Variants in RELL1 observed in about 807,000 individuals in gnomAD.
RELL1 encodes the protein RELT-like protein 1.
In RELL1, 10 loss-of-function variants were observed where a neutral mutation model predicts 23.0. That is an observed-to-expected ratio of 0.43 (90% confidence interval 0.27 to 0.74). RELL1 has a LOEUF of 0.74. RELL1 is among the 30% of genes least tolerant of loss of function. The pLI, the probability that RELL1 is intolerant of heterozygous loss-of-function variation, is 0.19. For missense variants in RELL1, 315 were observed against 364.4 expected, an observed-to-expected ratio of 0.86 and a Z score of 1.10; for synonymous variants, 146 against 146.8, an observed-to-expected ratio of 0.99 and a Z score of 0.04.
intron 3 of RELL1, among the ~76,000 whole-genome samples, chr4:37,643,226 A>C (rs2109274859): frequency 6.6e-6 from 1 of 152,350 alleles, no homozygotes; most frequent in South Asian, 2.1e-4. Context: ...GAAAAAACCC[A>C]CATCTTTGTC....
chr4:37,661,293 G>C (rs1312904874), intron 1 of RELL1, among the ~76,000 whole-genome samples: 2 of 147,344 alleles, frequency 1.4e-5, no homozygotes, highest in African/African-American at 2.6e-5. Context: ...TTGTTTGTTT[G>C]TTTTTTGAGA....
chr4:37,606,587 C>A (rs1719229161), downstream of RELL1, among the ~76,000 whole-genome samples: 1 of 152,234 alleles, frequency 6.6e-6, no homozygotes, highest in African/African-American at 2.4e-5. This position sits in a 1 kb window ranked among gnomAD's most constrained non-coding sequence, Gnocchi z 4.1. Flanking sequence ...AAAGAAGACA[C>A]AGAATGCCAG....
At chr4:37,590,143 A>G (rs768759361), downstream of RELL1, 1 of 1,614,210 alleles carries the variant, frequency 6.2e-7, no homozygotes, top group Non-Finnish European at 8.5e-7. Context: ...TGAAGTCAAC[A>G]GCTGCAAGCT....
At chr4:37,625,627 A>G (rs1719911509) in intron 6 of RELL1, among the ~76,000 whole-genome samples, 1 of 152,222 alleles carries the variant, frequency 6.6e-6, no homozygotes, top group African/African-American at 2.4e-5. Context: ...TCAAATCCAA[A>G]TTTGAGCAAA....
chr4:37,604,894 C>CACAT (rs1719140328), intron 6 of RELL1, among the ~76,000 whole-genome samples: 1 of 77,464 alleles, frequency 1.3e-5, no homozygotes, highest in Non-Finnish European at 2.5e-5. Flanking sequence ...CACAGACACA[C>CACAT]ACACAGACAC....
chr4:37,610,233 G>A (rs1049615379), downstream of RELL1, among the ~76,000 whole-genome samples: 13 of 141,388 alleles, frequency 9.2e-5, no homozygotes, highest in African/African-American at 3.3e-4. The surrounding 1 kb of genome is among the most constrained non-coding windows in gnomAD (Gnocchi z 4.1). Context: ...TCAGATTATC[G>A]TATTTTTTTT....
rs560516400 is a variant in RELL1, at chr4:37,647,177, G to A, written c.385+191C>T. On this transcript the variant is annotated intron_variant, in intron 3 of 6. Transcript: ENST00000454158. ...GCCTCCAGGGCTGGGTCTCTGCAAC[G>A]CTTAGACCGACTCACGCTTAGAAAA... Among the ~76,000 whole-genome samples, 8 of 152,192 alleles carry A rather than the reference G, an allele frequency of 5.3e-5. No homozygotes were observed. The East Asian group carries it at 7.7e-4, about 15-fold the overall frequency.
chr4:37,646,709 A>ATAT (rs1168467416), intron 3 of RELL1, among the ~76,000 whole-genome samples: 1 of 152,044 alleles, frequency 6.6e-6, no homozygotes, highest in Non-Finnish European at 1.5e-5. Context: ...TGTGAAGTAA[A>ATAT]TATTATTATT....
intron 5 of RELL1, among the ~76,000 whole-genome samples, chr4:37,632,618 A>G (rs1405248544): frequency 6.6e-6 from 1 of 152,152 alleles, no homozygotes; most frequent in Non-Finnish European, 1.5e-5. Flanking sequence ...ACACACGCAC[A>G]CACATGCTCT....
downstream of RELL1, chr4:37,590,380 C>G: frequency 1.2e-6 from 2 of 1,613,884 alleles, no homozygotes; most frequent in Non-Finnish European, 1.7e-6. Flanking sequence ...CACTCCACAG[C>G]CCACTGGGAA....
At chr4:37,686,061 C>CGGCGGGATCCCG (rs1203179124) in intron 1 of RELL1, 139 bp downstream of exon 1, 1 of 712,364 alleles carries the variant, frequency 1.4e-6, no homozygotes, top group Non-Finnish European at 2.2e-6. Context: ...CGCGGGACAG[C>CGGCGGGATCCCG]CAGTTGTTCA....
At chr4:37,588,183 C>T (rs1382697143), downstream of RELL1, 1 of 152,180 alleles carries the variant, frequency 6.6e-6, no homozygotes, top group Non-Finnish European at 1.5e-5. Flanking sequence ...GGAAATGAGT[C>T]CACCTTCTGC....
At chr4:37,590,307 C>T, downstream of RELL1, 1 of 1,613,832 alleles carries the variant, frequency 6.2e-7, no homozygotes. Flanking sequence ...AAGGGCCGCT[C>T]CCACAGGGGG....
rs546640942 is a variant in RELL1, at chr4:37,666,658, G to T, written c.89-17158C>A. 5.0e-3 allele frequency among the ~76,000 whole-genome samples: 762 copies of T among 152,206 alleles called. 4 individuals are homozygous for T. The highest frequency in any genetic ancestry group is 8.0e-3 in the Non-Finnish European group (547 of 67,998). On this transcript the variant is annotated intron_variant, in intron 1 of 6. Transcript: ENST00000454158. ...GAATCACATGAGCTGGGCTGGAAGG[G>T]GCAGTGTTAAATGTGGGGTGCAGAA...
At chr4:37,613,593 C>G (rs1229099569) in intron 6 of RELL1, among the ~76,000 whole-genome samples, 2 of 152,104 alleles carry the variant, frequency 1.3e-5, no homozygotes, top group South Asian at 4.2e-4. Context: ...TGCCCCTCCC[C>G]CTTTCTCTCT....
At chr4:37,646,276 T>C (rs1720708899) in intron 3 of RELL1, among the ~76,000 whole-genome samples, 1 of 152,192 alleles carries the variant, frequency 6.6e-6, no homozygotes, top group African/African-American at 2.4e-5. Context: ...TTACTCAAGA[T>C]TAAATTAATC....
intron 6 of RELL1, among the ~76,000 whole-genome samples, chr4:37,628,446 C>T (rs1220957896): frequency 6.6e-6 from 1 of 152,094 alleles, no homozygotes; most frequent in Admixed American, 6.5e-5. Flanking sequence ...GTACAGAATA[C>T]CCAAAAAACT....
At chr4:37,669,958 C>G (rs1365626518) in intron 1 of RELL1, among the ~76,000 whole-genome samples, 3 of 151,454 alleles carry the variant, frequency 2.0e-5, no homozygotes, top group Admixed American at 2.0e-4. Flanking sequence ...ACTTGTTTAT[C>G]TGCTGACCTT....
chr4:37,637,135 C>T (rs998758303), intron 4 of RELL1, among the ~76,000 whole-genome samples: 10 of 152,212 alleles, frequency 6.6e-5, no homozygotes, highest in Non-Finnish European at 1.5e-4. Flanking sequence ...CCAAAGATGA[C>T]TGAGACAAAG....
Sources: allele counts gnomAD v4.1 joint callset (sites outside exome capture counted in the v4.1 genomes callset), GRCh38; gene constraint gnomAD v4.1.1; non-coding constraint Gnocchi (gnomAD v3.1); transcripts MANE v1.5; gene names NCBI Gene and HGNC (gene_info 2026-07-23, HGNC 2026-07-21).